The following RBFOX1 variants were observed in gnomAD, a reference collection of about 807,000 sequenced individuals.
RBFOX1 encodes the protein RNA binding fox-1 homolog 1.
In RBFOX1, 8 loss-of-function variants were observed where a neutral mutation model predicts 57.7. That is an observed-to-expected ratio of 0.14 (90% CI 0.08 to 0.25). The LOEUF is 0.25. Ranked by LOEUF, RBFOX1 falls within the 10% of genes least tolerant of loss-of-function variation. The pLI, the probability that RBFOX1 is intolerant of heterozygous loss-of-function variation, is 1.00. For missense variants in RBFOX1, 611 were observed against 548.5 expected, an observed-to-expected ratio of 1.11 and a Z score of -1.14; for synonymous variants, 326 against 222.4, an observed-to-expected ratio of 1.47 and a Z score of -4.15.
intron 1 of RBFOX1, among the ~76,000 whole-genome samples, chr16:6,259,275 A>T (rs2097687327): frequency 6.6e-6 from 1 of 151,846 alleles, no homozygotes; most frequent in Non-Finnish European, 1.5e-5. Flanking sequence ...TGCTTGTTTC[A>T]TTTGCCACAT....
In RBFOX1 at chr16:6,453,272, C is replaced by A. The variant is rs1437590728; in HGVS notation, c.-64+136215C>A. Among the ~76,000 whole-genome samples, 5 of 152,248 alleles carry A rather than the reference C, an allele frequency of 3.3e-5. No homozygotes were observed. The East Asian group carries it at 9.7e-4, about 29-fold the overall frequency. On this transcript the variant is annotated intron_variant, in intron 2 of 15. Coordinates refer to ENST00000550418, the MANE Select transcript of RBFOX1 (RefSeq NM_018723.4). ...TGCCATCCCTCCTCTAGCCCCCCAC[C>A]CCTTGACAGGCCCCGGTGTGTGATG...
At chr16:5,825,851 C>T (rs1037571934) in intron 3 of RBFOX1, among the ~76,000 whole-genome samples, 3 of 131,628 alleles carry the variant, frequency 2.3e-5, no homozygotes, top group South Asian at 2.7e-4. Context: ...AATAATATTC[C>T]GTAATATGAA....
intron 2 of RBFOX1, among the ~76,000 whole-genome samples, chr16:6,651,716 A>T (rs1314880335): frequency 3.3e-5 from 5 of 152,206 alleles, no homozygotes; most frequent in African/African-American, 1.2e-4. Context: ...GCATACGCAC[A>T]AAAGACTTGA....
At position 6,859,111 on chromosome 16, in the gene RBFOX1, GTA is replaced by G. The variant is rs796794349; in HGVS notation, c.-15-192929_-15-192928del. On this transcript the variant is annotated intron_variant, in intron 3 of 15. Coordinates refer to ENST00000550418, the MANE Select transcript of RBFOX1 (RefSeq NM_018723.4). Reference sequence around the variant, plus strand: ...AGTGTTGTATTGTCCTAAAAAAAGTGTATATATATATATATATACATATATAT... The same window carrying G: ...AGTGTTGTATTGTCCTAAAAAAAGTGTATATATATATATATACATATATAT... 4.9e-4 allele frequency among the ~76,000 whole-genome samples: 32 copies of G among 65,048 alleles called. 1 individual carries two copies. The highest frequency in any genetic ancestry group is 6.1e-4 in the Non-Finnish European group (22 of 36,334). The allele number at this position is 65,048 out of a possible 152,430, so 42.7% of individuals were successfully genotyped here.
At chr16:5,891,451 A>G (rs1285416677) in intron 4 of RBFOX1, among the ~76,000 whole-genome samples, 2 of 152,200 alleles carry the variant, frequency 1.3e-5, no homozygotes, top group African/African-American at 4.8e-5. Context: ...TTTGGTTGCC[A>G]TGGAAGCATT....
At chr16:7,230,541 C>A (rs1249005306) in intron 4 of RBFOX1, among the ~76,000 whole-genome samples, 1 of 152,110 alleles carries the variant, frequency 6.6e-6, no homozygotes. Flanking sequence ...GATTCAGCCT[C>A]CCCAGTCAAT....
intron 1 of RBFOX1, among the ~76,000 whole-genome samples, chr16:5,253,165 T>C (rs887653762): frequency 6.6e-6 from 1 of 152,202 alleles, no homozygotes; most frequent in African/African-American, 2.4e-5. Flanking sequence ...TCTTTCTTTT[T>C]TGAGACTGAA....
chr16:7,303,135 C>A (rs1261043626), intron 4 of RBFOX1, among the ~76,000 whole-genome samples: 2 of 152,202 alleles, frequency 1.3e-5, no homozygotes, highest in African/African-American at 2.4e-5. Context: ...GATTTCCACG[C>A]CAGCCTGGGC....
At chr16:7,398,429 T>A (rs2098178568) in intron 4 of RBFOX1, among the ~76,000 whole-genome samples, 1 of 152,228 alleles carries the variant, frequency 6.6e-6, no homozygotes, top group Non-Finnish European at 1.5e-5. Flanking sequence ...TGTTAAAGAA[T>A]CTCAATATAT....
At chr16:5,304,827 A>C (rs917646411) in intron 1 of RBFOX1, among the ~76,000 whole-genome samples, 1 of 98,580 alleles carries the variant, frequency 1.0e-5, no homozygotes, top group Non-Finnish European at 2.4e-5. Flanking sequence ...TTAGCCATAT[A>C]AAGTGATTTT....
chr16:6,278,031 C>T (rs539365426), intron 1 of RBFOX1, among the ~76,000 whole-genome samples: 6 of 152,048 alleles, frequency 3.9e-5, no homozygotes, highest in Non-Finnish European at 5.9e-5. Context: ...TGTGAAGTTC[C>T]CTTACTTTGT....
At chr16:6,903,073 C>G (rs975527320) in intron 3 of RBFOX1, among the ~76,000 whole-genome samples, 5 of 152,244 alleles carry the variant, frequency 3.3e-5, no homozygotes, top group African/African-American at 1.2e-4. Context: ...TCTGTTGGAG[C>G]AACCTGACTC....
chr16:7,017,041 C>A (rs1252019300), intron 3 of RBFOX1, among the ~76,000 whole-genome samples: 1 of 152,118 alleles, frequency 6.6e-6, no homozygotes, highest in African/African-American at 2.4e-5. Flanking sequence ...ATCCTTCAGC[C>A]TCTTTCTCTT....
chr16:6,260,880 C>CA (rs34771386), intron 1 of RBFOX1, among the ~76,000 whole-genome samples: 7 of 149,328 alleles, frequency 4.7e-5, no homozygotes, highest in African/African-American at 7.4e-5. Flanking sequence ...GACCCTGTCT[C>CA]AAAAAAAAGG....
chr16:5,620,501 C>G (rs2048170740), intron 3 of RBFOX1, among the ~76,000 whole-genome samples: 1 of 152,104 alleles, frequency 6.6e-6, no homozygotes, highest in Admixed American at 6.6e-5. Flanking sequence ...AGGCCAGAAA[C>G]CTGAGGTCAG....
intron 4 of RBFOX1, among the ~76,000 whole-genome samples, chr16:7,493,668 G>A (rs1237137180): frequency 1.3e-5 from 2 of 152,194 alleles, no homozygotes; most frequent in African/African-American, 2.4e-5. Context: ...CACAAGGTAA[G>A]GAATTAAGGT....
At chr16:7,444,774 C>T (rs569652758) in intron 4 of RBFOX1, among the ~76,000 whole-genome samples, 1 of 152,294 alleles carries the variant, frequency 6.6e-6, no homozygotes, top group East Asian at 1.9e-4. Flanking sequence ...TCAAGTGATC[C>T]TCCCACCTCA....
intron 5 of RBFOX1, among the ~76,000 whole-genome samples, chr16:7,544,118 G>A (rs1658296418): frequency 1.3e-5 from 2 of 152,228 alleles, no homozygotes; most frequent in Admixed American, 1.3e-4. Context: ...AATAAGACCA[G>A]GAAAGCCTGA....
chr16:7,556,476 C>T (rs1021500887), intron 5 of RBFOX1, among the ~76,000 whole-genome samples: 4 of 152,264 alleles, frequency 2.6e-5, no homozygotes, highest in South Asian at 4.1e-4. Flanking sequence ...CCACAGGTAA[C>T]TCTGGAATAT....
Sources: allele counts gnomAD v4.1 joint callset (sites outside exome capture counted in the v4.1 genomes callset), GRCh38; gene constraint gnomAD v4.1.1; transcripts MANE v1.5; gene names NCBI Gene and HGNC (gene_info 2026-07-23, HGNC 2026-07-21).